The following TNS1 variants were observed in gnomAD, a reference collection of about 807,000 sequenced individuals.
TNS1 encodes tensin-1.
In TNS1, 62 loss-of-function variants were observed where a neutral mutation model predicts 168.6. The ratio of observed to expected loss-of-function variants is 0.37; its 90% CI spans 0.30 to 0.45. TNS1 has a LOEUF of 0.45. TNS1 is among the 20% of genes least tolerant of loss of function. The probability of loss-of-function intolerance (pLI) is 1.00; values close to 1 mark genes in which losing one functional copy is unlikely to be tolerated. For synonymous variants in TNS1, 934 were observed against 933.2 expected, an observed-to-expected ratio of 1.00 and a Z score of -0.02; for missense variants, 2,240 against 2,339.4, an observed-to-expected ratio of 0.96 and a Z score of 0.88.
chr2:217,928,416 G>C (rs1418099576), intron 3 of TNS1, among the ~76,000 whole-genome samples: 1 of 152,114 alleles, frequency 6.6e-6, no homozygotes, highest in Non-Finnish European at 1.5e-5. Context: ...AGGCTCCCTG[G>C]CCTGCTAGTC....
At chr2:217,857,350 C>T (rs1243256463) in intron 18 of TNS1, among the ~76,000 whole-genome samples, 1 of 152,130 alleles carries the variant, frequency 6.6e-6, no homozygotes, top group Non-Finnish European at 1.5e-5. Flanking sequence ...CCAAGGTCAC[C>T]CGGCAAGGAA....
At position 217,929,613 on chromosome 2, in the gene TNS1, G is replaced by A. The variant is rs531552164; in HGVS notation, c.187-9377C>T. Among the ~76,000 whole-genome samples, 6 of 152,088 alleles carry A rather than the reference G, an allele frequency of 3.9e-5. No individual in the cohort carries two copies. In the South Asian group the frequency reaches 8.3e-4, roughly 21 times the overall value. On this transcript the variant is annotated intron_variant, in intron 3 of 32. Transcript: ENST00000682258. ...TGGTTTCATGATCCTGCCCACACTC[G>A]GCCACCTCCTGGCCTTCCTGCATGG...
chr2:217,829,758 C>A (rs1274767883), intron 22 of TNS1: 8 of 1,513,356 alleles, frequency 5.3e-6, no homozygotes, highest in Non-Finnish European at 7.3e-6. Flanking sequence ...GGAAAGAGAG[C>A]TGCCTCCAGC....
At chr2:218,003,453 C>T (rs1008182967), upstream of TNS1, among the ~76,000 whole-genome samples, 1 of 152,134 alleles carries the variant, frequency 6.6e-6, no homozygotes, top group Non-Finnish European at 1.5e-5. Flanking sequence ...GCCTTCCTGG[C>T]CTCCTCGGAA....
chr2:217,928,029 G>A (rs1465741228), intron 3 of TNS1, among the ~76,000 whole-genome samples: 1 of 152,244 alleles, frequency 6.6e-6, no homozygotes, highest in Non-Finnish European at 1.5e-5. Context: ...ACTCAGGAAG[G>A]CCCCAGACAG....
rs761763413 is a variant in TNS1 at position 217,849,136 on chromosome 2, G to A, written c.1430-49C>T. Reference sequence around the variant, plus strand: ...GAGACAACAGACAACAGACATTAGCGGGAGGCAGGGGTATCATCCACTCTG... The same window carrying A: ...GAGACAACAGACAACAGACATTAGCAGGAGGCAGGGGTATCATCCACTCTG... On this transcript the variant is annotated intron_variant, in intron 18 of 32. Transcript: ENST00000682258. The A allele has an allele frequency of 2.0e-5, 32 of 1,562,888 alleles. No homozygotes were observed. The African/African-American group carries it at 2.7e-4, about 13-fold the overall frequency.
chr2:217,804,658 G>T, intron 32 of TNS1, 55 bp from the exon 33 acceptor site: 1 of 1,605,604 alleles, frequency 6.2e-7, no homozygotes. Flanking sequence ...AACCCCAGGA[G>T]GTGGACAGCA....
chr2:217,931,479 C>A (rs1207440153), intron 3 of TNS1, among the ~76,000 whole-genome samples: 4 of 152,174 alleles, frequency 2.6e-5, no homozygotes, highest in Non-Finnish European at 5.9e-5. Context: ...GTGCGGGGGG[C>A]TAAGCCAGGC....
At chr2:218,021,987 G>A (rs1958809873) in intron 1 of TNS1, among the ~76,000 whole-genome samples, 1 of 152,140 alleles carries the variant, frequency 6.6e-6, no homozygotes, top group South Asian at 2.1e-4. Flanking sequence ...GGGTTGAGGT[G>A]GGAGAAATCT....
intron 1 of TNS1, among the ~76,000 whole-genome samples, chr2:218,025,139 C>G (rs1958840536): frequency 6.6e-6 from 1 of 152,074 alleles, no homozygotes; most frequent in Non-Finnish European, 1.5e-5. Context: ...GGACCAAAGG[C>G]CCTGGACCTC....
At chr2:217,856,372 A>T (rs7594104) in intron 18 of TNS1, among the ~76,000 whole-genome samples, 2 of 152,020 alleles carry the variant, frequency 1.3e-5, no homozygotes, top group Admixed American at 1.3e-4. Flanking sequence ...CATTGGTGGC[A>T]GGGACTTCCT....
chr2:217,907,608 T>C (rs1953866710), intron 4 of TNS1, among the ~76,000 whole-genome samples: 1 of 152,192 alleles, frequency 6.6e-6, no homozygotes, highest in South Asian at 2.1e-4. Context: ...GTGAGTACCA[T>C]TAATACCTTT....
intron 1 of TNS1, among the ~76,000 whole-genome samples, chr2:217,994,644 G>A (rs1559405823): frequency 6.6e-6 from 1 of 152,214 alleles, no homozygotes; most frequent in Non-Finnish European, 1.5e-5. Context: ...GTGACCCCAT[G>A]GGTGGCATGT....
At chr2:217,870,329 C>A (rs997611126) in intron 18 of TNS1, among the ~76,000 whole-genome samples, 1 of 152,044 alleles carries the variant, frequency 6.6e-6, no homozygotes, top group Non-Finnish European at 1.5e-5. Context: ...ACAGTGCCCA[C>A]CACCTAGCAG....
rs370556458 is a variant in TNS1 at position 217,876,785 on chromosome 2, T to TGAA, written c.1429+4110_1429+4112dup. ...GAATACAAGCAGGGGGAAGATGATG[T>TGAA]GAAGATACAGGGAGAAAACAGCATC... On this transcript the variant is annotated intron_variant, in intron 18 of 32. Coordinates refer to ENST00000682258, the MANE Select transcript of TNS1 (RefSeq NM_001387777.1). Among the ~76,000 whole-genome samples, 413 of 152,144 alleles carry TGAA rather than the reference T, an allele frequency of 2.7e-3. 2 individuals carry two copies. Among genetic ancestry groups the TGAA allele is most frequent in the African/African-American group, 9.3e-3 (385 of 41,512 alleles).
In TNS1 at chr2:217,848,849, G is replaced by C; in HGVS notation, c.1668C>G (p.Ala556=). 1 of 1,614,104 alleles carries C rather than the reference G, an allele frequency of 6.2e-7. No homozygotes were observed. Among genetic ancestry groups the C allele is most frequent in the Non-Finnish European group, 8.5e-7 (1 of 1,180,038 alleles). The change falls in exon 19 of 33, where the codon GCC becomes GCG. Residue 556 remains alanine (A), a synonymous_variant. Coordinates refer to ENST00000682258, the MANE Select transcript of TNS1 (RefSeq NM_001387777.1). ...PVPGASSATA[A]LSPQEKRELD... The stretch of plus-strand genomic sequence containing the variant: ...GCTCCCGCTTCTCCTGGGGACTCAA[G>C]GCAGCAGTGGCACTGGAGGCCCCGG...
chr2:217,865,120 T>C (rs926789649), intron 18 of TNS1, among the ~76,000 whole-genome samples: 1 of 152,170 alleles, frequency 6.6e-6, no homozygotes, highest in East Asian at 1.9e-4. Context: ...TGTGGTTCCA[T>C]GTGTGAGAGG....
At chr2:217,911,092 C>G (rs1954351455) in intron 4 of TNS1, among the ~76,000 whole-genome samples, 1 of 152,170 alleles carries the variant, frequency 6.6e-6, no homozygotes, top group Admixed American at 6.5e-5. Context: ...CAGACAGACC[C>G]CTATGTCTGT....
chr2:217,875,972 C>A (rs1473146826), intron 18 of TNS1, among the ~76,000 whole-genome samples: 1 of 152,208 alleles, frequency 6.6e-6, no homozygotes, highest in Non-Finnish European at 1.5e-5. Context: ...CCCTTGTCAG[C>A]CAGGCTGGGA....
Sources: gnomAD v4.1 joint callset for allele counts (sites outside exome capture counted in the v4.1 genomes callset) on GRCh38, gnomAD v4.1.1 for gene constraint, MANE v1.5 for transcripts, NCBI Gene and HGNC (gene_info 2026-07-23, HGNC 2026-07-21) for gene names.